Variants in APOL6 observed in about 807,000 individuals in gnomAD.
APOL6 encodes apolipoprotein L6.
A neutral mutation model predicts 2.4 loss-of-function variants in APOL6; 1 was observed. The ratio of observed to expected loss-of-function variants is 0.41; its 90% CI spans 0.15 to 1.94. The LOEUF is 1.94. Among genes scored for constraint, APOL6 ranks in the 30% most tolerant of loss-of-function variants. APOL6 has a pLI of 0.30. For synonymous variants in APOL6, 189 were observed against 169.3 expected, an observed-to-expected ratio of 1.12 and a Z score of -0.90; for missense variants, 438 against 429.2, an observed-to-expected ratio of 1.02 and a Z score of -0.18.
Position 35,659,400 on chromosome 22 carries a change from A to T in APOL6, c.836A>T (p.Glu279Val), listed in dbSNP as rs1924954262. ...EELRAKALELERKLTELTQLY... is the reference protein window; with the variant it reads ...EELRAKALELVRKLTELTQLY... ...TTGAGAGCCAAGGCCTTGGAGCTGG[A>T]GAGGAAACTCACAGAACTCACCCAG... is the stretch of plus-strand genomic sequence containing the variant. The change falls in exon 3 of 3, where the codon GAG becomes GTG. Residue 279 changes from glutamate to valine, a missense_variant. Physicochemically the swap from Glu to Val is moderately radical, Grantham distance 121. Coordinates refer to ENST00000409652, the MANE Select transcript of APOL6 (RefSeq NM_030641.4). 2 of 1,613,926 alleles carry T rather than the reference A, an allele frequency of 1.2e-6. No individual in the cohort carries two copies. The highest frequency in any genetic ancestry group is 1.7e-5 in the Admixed American group (1 of 59,988).
chr22:35,655,186 T>C (rs1173895813), intron 1 of APOL6, among the ~76,000 whole-genome samples: 1 of 152,230 alleles, frequency 6.6e-6, no homozygotes. Context: ...TGGTGTCTCC[T>C]ACATACACTT....
In APOL6 at chr22:35,659,671, C is replaced by A; in HGVS notation, c.*75C>A. ...CAAGTACATCTTGGAGATGAGGGTG[C>A]CTGTCCTGGACAGACCTCGGCATGC... is the stretch of plus-strand genomic sequence containing the variant. On this transcript the variant is annotated 3_prime_UTR_variant, in exon 3 of 3. Coordinates refer to ENST00000409652, the MANE Select transcript of APOL6 (RefSeq NM_030641.4). The A allele has an allele frequency of 6.7e-7, 1 of 1,489,416 alleles. No homozygotes were observed. The highest frequency in any genetic ancestry group is 8.9e-7 in the Non-Finnish European group (1 of 1,118,072). The allele number at this position is 1,489,416 out of a possible 1,614,324, so 92.3% of individuals were successfully genotyped here. A position where few individuals can be genotyped will look rare whatever the true frequency, so the allele number is the denominator to read the frequency against.
At chr22:35,655,443 C>A (rs1016909437) in intron 1 of APOL6, among the ~76,000 whole-genome samples, 12 of 152,242 alleles carry the variant, frequency 7.9e-5, no homozygotes, top group African/African-American at 2.6e-4. Context: ...ACAACCAATT[C>A]ATTTGCATAT....
At chr22:35,652,914 T>C (rs921865563) in intron 1 of APOL6, among the ~76,000 whole-genome samples, 2 of 151,964 alleles carry the variant, frequency 1.3e-5, no homozygotes, top group Non-Finnish European at 2.9e-5. Flanking sequence ...TTTAAAGTAG[T>C]TTTTTCCAAT....
Position 35,662,858 on chromosome 22 carries a change from T to C in APOL6, c.*3262T>C, listed in dbSNP as rs1355880262. The C allele has an allele frequency of 6.6e-6, 1 of 152,252 alleles. No homozygotes were observed. Among genetic ancestry groups the C allele is most frequent in the African/African-American group, 2.4e-5 (1 of 41,470 alleles). 9.4% of individuals were successfully genotyped at this position (152,252 alleles called of 1,614,324 possible). A position where few individuals can be genotyped will look rare whatever the true frequency, so the allele number is the denominator to read the frequency against. On this transcript the variant is annotated 3_prime_UTR_variant, in exon 3 of 3. Coordinates refer to ENST00000409652, the MANE Select transcript of APOL6 (RefSeq NM_030641.4). Reference sequence around the variant, plus strand: ...GGCTCAAACCAATAGGACAATTTGCTGAGGTCTGAGAGGACTCCCTCCAGA... The same window carrying C: ...GGCTCAAACCAATAGGACAATTTGCCGAGGTCTGAGAGGACTCCCTCCAGA...
chr22:35,667,138 C>T lies in APOL6; in HGVS notation c.*7542C>T, dbSNP rs538537297. The stretch of plus-strand genomic sequence containing the variant: ...AAAAACTGGCCCCATATTTTGTGTA[C>T]ACAGTCTCCGTACAAGATTTCTGAC... On this transcript the variant is annotated 3_prime_UTR_variant, in exon 3 of 3. Coordinates refer to ENST00000409652, the MANE Select transcript of APOL6 (RefSeq NM_030641.4). 37 of 152,278 alleles carry T rather than the reference C, an allele frequency of 2.4e-4. No individual in the cohort carries two copies. The highest frequency in any genetic ancestry group is 1.0e-3 in the Admixed American group (16 of 15,296). The allele number at this position is 152,278 out of a possible 1,614,324, so 9.4% of individuals were successfully genotyped here.
rs1479980531 is a variant in APOL6 at position 35,662,475 on chromosome 22, G to A, written c.*2879G>A. The A allele has an allele frequency of 6.6e-6, 1 of 152,172 alleles. No homozygotes were observed. Among genetic ancestry groups the A allele is most frequent in the African/African-American group, 2.4e-5 (1 of 41,438 alleles). The allele number at this position is 152,172 out of a possible 1,614,324, so 9.4% of individuals were successfully genotyped here. On this transcript the variant is annotated 3_prime_UTR_variant, in exon 3 of 3. Coordinates refer to ENST00000409652, the MANE Select transcript of APOL6 (RefSeq NM_030641.4). Reference sequence around the variant, plus strand: ...CATATCTGATTGCCTCCTTTGGAAAGGCTAATCAGAAACTCAAAAGAATGC... The same window carrying A: ...CATATCTGATTGCCTCCTTTGGAAAAGCTAATCAGAAACTCAAAAGAATGC...
At chr22:35,654,338 T>A (rs1426581907) in intron 1 of APOL6, among the ~76,000 whole-genome samples, 1 of 152,104 alleles carries the variant, frequency 6.6e-6, no homozygotes, top group African/African-American at 2.4e-5. Flanking sequence ...CATGGTTGTT[T>A]CCCCAGACAA....
rs1211187515 is a variant in APOL6 at position 35,664,574 on chromosome 22, A to T, written c.*4978A>T. The stretch of plus-strand genomic sequence containing the variant: ...TGTCTCAGTTGTAATTTTGCAATGG[A>T]AGTTTCATAACTTTAAATCATGACT... On this transcript the variant is annotated 3_prime_UTR_variant, in exon 3 of 3. Coordinates refer to ENST00000409652, the MANE Select transcript of APOL6 (RefSeq NM_030641.4). The T allele has an allele frequency of 6.6e-6, 1 of 152,202 alleles. No homozygotes were observed. Among genetic ancestry groups the T allele is most frequent in the Admixed American group, 6.6e-5 (1 of 15,266 alleles). 9.4% of individuals were successfully genotyped at this position (152,202 alleles called of 1,614,324 possible).
In APOL6 at chr22:35,658,627, C is replaced by T. The variant is rs369986072; in HGVS notation, c.63C>T (p.Asp21=). Residue 21 remains aspartate (D), a synonymous_variant, in exon 3 of 3, where the codon GAC becomes GAT. Coordinates refer to ENST00000409652, the MANE Select transcript of APOL6 (RefSeq NM_030641.4). ...AGVGLQRDED[D]APLCEDVELQ... Reference sequence around the variant, plus strand: ...CATTTCTCCTCAGGGATGAGGATGACGCTCCTCTGTGTGAAGACGTGGAGC... The same window carrying T: ...CATTTCTCCTCAGGGATGAGGATGATGCTCCTCTGTGTGAAGACGTGGAGC... 19 of 1,609,390 alleles carry T rather than the reference C, an allele frequency of 1.2e-5. No individual in the cohort carries two copies. The highest frequency in any genetic ancestry group is 6.7e-5 in the East Asian group (3 of 44,828).
chr22:35,658,754 G>A lies in APOL6; in HGVS notation c.190G>A (p.Ala64Thr), dbSNP rs371590566. Residue 64 changes from alanine to threonine, a missense_variant, in exon 3 of 3, where the codon GCA (alanine) becomes ACA (threonine). Coordinates refer to ENST00000409652, the MANE Select transcript of APOL6 (RefSeq NM_030641.4). ...KGNIDKLRAL[A>T]DDIDKTHKKF... ...GAACATTGACAAGCTCCGTGCCCTC[G>A]CAGACGATATTGACAAAACCCACAA... is the stretch of plus-strand genomic sequence containing the variant. The A allele has an allele frequency of 1.4e-4, 223 of 1,614,104 alleles. No individual in the cohort carries two copies. In the Middle Eastern group the frequency reaches 2.3e-3, roughly 17 times the overall value.
rs1347925772 is a variant in APOL6 at position 35,662,046 on chromosome 22, T to G, written c.*2450T>G. On this transcript the variant is annotated 3_prime_UTR_variant, in exon 3 of 3. Transcript: ENST00000409652. Reference sequence around the variant, plus strand: ...TATTCTCCTGTCCTGCAATATGAGTTAATCTTCTCTGATCGATGTAGATTC... The same window carrying G: ...TATTCTCCTGTCCTGCAATATGAGTGAATCTTCTCTGATCGATGTAGATTC... 6.6e-6 allele frequency: 1 copy of G among 152,230 alleles called. No homozygotes were observed. The highest frequency in any genetic ancestry group is 1.5e-5 in the Non-Finnish European group (1 of 68,030). The allele number at this position is 152,230 out of a possible 1,614,324, so 9.4% of individuals were successfully genotyped here. A position where few individuals can be genotyped will look rare whatever the true frequency, so the allele number is the denominator to read the frequency against.
chr22:35,656,640 A>G (rs978230832), intron 2 of APOL6, among the ~76,000 whole-genome samples, 165 bp downstream of exon 2: 2 of 152,180 alleles, frequency 1.3e-5, no homozygotes, highest in Non-Finnish European at 2.9e-5. Flanking sequence ...CCCCTAGGGA[A>G]AAAAATACTT....
At chr22:35,654,003 G>A (rs1924774429) in intron 1 of APOL6, among the ~76,000 whole-genome samples, 1 of 152,090 alleles carries the variant, frequency 6.6e-6, no homozygotes, top group Non-Finnish European at 1.5e-5. Flanking sequence ...CAAAACTCAG[G>A]GAAACACTTA....
chr22:35,653,930 G>T (rs1023372101), intron 1 of APOL6, among the ~76,000 whole-genome samples: 2 of 152,160 alleles, frequency 1.3e-5, no homozygotes, highest in African/African-American at 4.8e-5. Context: ...TGTCCAACTT[G>T]GTGACACATG....
At chr22:35,649,838 A>C (rs933307810) in intron 1 of APOL6, among the ~76,000 whole-genome samples, 5 of 152,154 alleles carry the variant, frequency 3.3e-5, no homozygotes, top group Admixed American at 6.5e-5. Flanking sequence ...CAACCAGGTG[A>C]TCCCTGGTTG....
intron 1 of APOL6, among the ~76,000 whole-genome samples, chr22:35,655,065 A>G (rs1255324411): frequency 6.6e-6 from 1 of 152,162 alleles, no homozygotes; most frequent in African/African-American, 2.4e-5. Flanking sequence ...CTCAAGATGC[A>G]AAGTCTTTTT....
chr22:35,654,214 C>G (rs1266344276), intron 1 of APOL6, among the ~76,000 whole-genome samples: 1 of 152,082 alleles, frequency 6.6e-6, no homozygotes, highest in Admixed American at 6.5e-5. Context: ...GGCTTCCTTA[C>G]ACAGGCATGA....
rs1353601941 is a variant in APOL6 at position 35,661,572 on chromosome 22, A to G, written c.*1976A>G. On this transcript the variant is annotated 3_prime_UTR_variant, in exon 3 of 3. Transcript: ENST00000409652. ...AGGCTACGCACCTGTACAGCATGTG[A>G]CTACTGAATACTATAGGCAATTGCA... 1 of 152,230 alleles carries G rather than the reference A, an allele frequency of 6.6e-6. No individual in the cohort carries two copies. The highest frequency in any genetic ancestry group is 1.5e-5 in the Non-Finnish European group (1 of 68,050). 9.4% of individuals were successfully genotyped at this position (152,230 alleles called of 1,614,324 possible). A position where few individuals can be genotyped will look rare whatever the true frequency, so the allele number is the denominator to read the frequency against.
Sources: gnomAD v4.1 joint callset for allele counts (sites outside exome capture counted in the v4.1 genomes callset) on GRCh38, gnomAD v4.1.1 for gene constraint, MANE v1.5 for transcripts, NCBI Gene and HGNC (gene_info 2026-07-23, HGNC 2026-07-21) for gene names.